ELMO1: variants seen among roughly 807,000 people sequenced by gnomAD.
The protein encoded by ELMO1 is engulfment and cell motility protein 1.
Under a neutral mutation model 98.9 loss-of-function variants are expected in ELMO1, and 26 were observed. That is an observed-to-expected ratio of 0.26 (90% CI 0.19 to 0.36). The LOEUF (loss-of-function observed/expected upper bound fraction) is 0.36. ELMO1 is among the 10% of genes least tolerant of loss of function. The probability of loss-of-function intolerance (pLI) is 1.00; values close to 1 mark genes in which losing one functional copy is unlikely to be tolerated. For missense variants in ELMO1, 627 were observed against 935.2 expected (o/e 0.67, Z 4.30); for synonymous variants, 346 against 346.0 (o/e 1.00, Z 0.00).
chr7:37,107,822 C>T (rs1785031094), intron 14 of ELMO1, among the ~76,000 whole-genome samples: 1 of 152,176 alleles, frequency 6.6e-6, no homozygotes, highest in Non-Finnish European at 1.5e-5. Flanking sequence ...TCCAGGAAAG[C>T]TAGTGATAAA....
At chr7:37,375,936 C>G (rs1391901593) in intron 1 of ELMO1, 1 of 635,738 alleles carries the variant, frequency 1.6e-6, no homozygotes, top group East Asian at 3.0e-5. Context: ...CTGGTGCCAA[C>G]AAGAAAGTAG....
chr7:36,873,011 T>G (rs538728741), intron 19 of ELMO1, among the ~76,000 whole-genome samples: 1 of 152,164 alleles, frequency 6.6e-6, no homozygotes, highest in Admixed American at 6.5e-5. Flanking sequence ...GAATCTCTAA[T>G]AGAAAGGCTT....
At chr7:37,074,060 A>G (rs1165139184) in intron 15 of ELMO1, among the ~76,000 whole-genome samples, 1 of 148,824 alleles carries the variant, frequency 6.7e-6, no homozygotes, top group African/African-American at 2.4e-5. Context: ...AAGTTATAAT[A>G]CAGTATAATT....
intron 16 of ELMO1, among the ~76,000 whole-genome samples, chr7:36,923,904 A>G (rs1458611736): frequency 6.6e-6 from 1 of 152,222 alleles, no homozygotes; most frequent in African/African-American, 2.4e-5. Context: ...GCACATCTAG[A>G]AAACTGAAAG....
chr7:37,006,998 T>C (rs1226084663), intron 16 of ELMO1, among the ~76,000 whole-genome samples: 2 of 152,040 alleles, frequency 1.3e-5, no homozygotes, highest in African/African-American at 4.8e-5. Context: ...TCCATGGAAA[T>C]AGGTAACACT....
intron 15 of ELMO1, chr7:37,033,319 G>C: frequency 2.2e-6 from 1 of 449,314 alleles, no homozygotes; most frequent in East Asian, 7.0e-5. Context: ...TTAATAAAAG[G>C]GGATAAAAAT....
In ELMO1 at chr7:37,096,691, C is replaced by T. The variant is rs868320961; in HGVS notation, c.1228G>A (p.Glu410Lys). The T allele has an allele frequency of 6.2e-7, 1 of 1,614,104 alleles. No homozygotes were observed. Among genetic ancestry groups the T allele is most frequent in the East Asian group, 2.2e-5 (1 of 44,874 alleles). ...ATACTACTGCGGCCAAAGGGACATT[C>T]ATGCTTGTCTTCTCGACTACTGTTC... ...LENSSREDKHECPFGRSSIEL... is the reference protein window; with the variant it reads ...LENSSREDKHKCPFGRSSIEL... The change falls in exon 15 of 22, where the codon GAA becomes AAA. Residue 410 changes from glutamate (E) to lysine (K), a missense_variant. Physicochemically the swap from Glu to Lys is moderately conservative, Grantham distance 56 (BLOSUM62 1). This residue lies in a region of ELMO1 where 492 missense variants were observed against 715.6 expected (regional missense o/e 0.69). Transcript: ENST00000310758.
chr7:37,244,093 A>G (rs1212406757), intron 7 of ELMO1, among the ~76,000 whole-genome samples: 2 of 152,232 alleles, frequency 1.3e-5, no homozygotes, highest in African/African-American at 4.8e-5. Flanking sequence ...GAAGTAGGGT[A>G]GCAATCTTTC....
At chr7:37,376,062 C>A in intron 1 of ELMO1, 10 of 358,520 alleles carry the variant, frequency 2.8e-5, no homozygotes, top group Non-Finnish European at 4.3e-5. Context: ...AAACTTACAG[C>A]CAAAAAAACT....
chr7:36,919,128 C>G (rs1369715856), intron 16 of ELMO1, among the ~76,000 whole-genome samples: 1 of 152,176 alleles, frequency 6.6e-6, no homozygotes, highest in African/African-American at 2.4e-5. Context: ...TTTCTTCTCA[C>G]AGCTCAATAT....
chr7:37,315,423 AAAAC>A (rs1188435782), intron 3 of ELMO1, among the ~76,000 whole-genome samples: 1 of 152,228 alleles, frequency 6.6e-6, no homozygotes, highest in African/African-American at 2.4e-5. Flanking sequence ...GGTTTAAAAA[AAAAC>A]AAAGTCATGC....
intron 13 of ELMO1, chr7:37,204,155 T>C (rs929521909): frequency 1.1e-5 from 5 of 456,382 alleles, no homozygotes; most frequent in African/African-American, 1.0e-4. Flanking sequence ...TGGGCGATGG[T>C]CCCATCTGGG....
At chr7:37,436,383 G>T (rs1188865757) in intron 1 of ELMO1, among the ~76,000 whole-genome samples, 1 of 152,188 alleles carries the variant, frequency 6.6e-6, no homozygotes, top group African/African-American at 2.4e-5. Flanking sequence ...CTGTATATTT[G>T]TCAGGTCCAA....
Position 37,123,080 on chromosome 7 carries a change from A to C in ELMO1, c.1191+10050T>G, listed in dbSNP as rs567570744. ...AAAGTAGAAATAAAGATGTTCTTTG[A>C]AACCAGTGAGAACAAAGACACAACA... On this transcript the variant is annotated intron_variant, in intron 14 of 21. Transcript: ENST00000310758. Among the ~76,000 whole-genome samples, 672 of 151,390 alleles carry C rather than the reference A, an allele frequency of 4.4e-3. 2 individuals carry two copies. The highest frequency in any genetic ancestry group is 0.016 in the African/African-American group (642 of 40,672).
At chr7:37,099,728 T>C (rs1048570080) in intron 14 of ELMO1, among the ~76,000 whole-genome samples, 5 of 152,172 alleles carry the variant, frequency 3.3e-5, no homozygotes, top group Non-Finnish European at 7.4e-5. Flanking sequence ...AACAAGTCCA[T>C]CCATTAATAA....
rs568798481 is a variant in ELMO1 at position 37,243,011 on chromosome 7, T to C, written c.449+1345A>G. The stretch of plus-strand genomic sequence containing the variant: ...TATCCAGTGCCTTCATATAGTTGGT[T>C]TAAGATGTTTTGTTTATAATATTTT... On this transcript the variant is annotated intron_variant, in intron 7 of 21. Transcript: ENST00000310758. Among the ~76,000 whole-genome samples the C allele has an allele frequency of 4.6e-4, 70 of 152,296 alleles. 1 individual carries two copies. The South Asian group carries it at 0.014, about 31-fold the overall frequency.
intron 16 of ELMO1, among the ~76,000 whole-genome samples, chr7:36,965,028 T>G (rs1335127595): frequency 6.6e-6 from 1 of 152,132 alleles, no homozygotes; most frequent in African/African-American, 2.4e-5. Flanking sequence ...TCCCATTCCT[T>G]GAATACCTCT....
intron 16 of ELMO1, among the ~76,000 whole-genome samples, chr7:36,919,942 C>T (rs1367686335): frequency 6.6e-6 from 1 of 152,194 alleles, no homozygotes; most frequent in African/African-American, 2.4e-5. Flanking sequence ...CGACTGGGAA[C>T]GCCCTATGAG....
At chr7:37,189,517 A>C (rs1292984601) in intron 13 of ELMO1, among the ~76,000 whole-genome samples, 1 of 152,236 alleles carries the variant, frequency 6.6e-6, no homozygotes, top group Non-Finnish European at 1.5e-5. Context: ...ACCCAAGGGC[A>C]GAGATAATGA....
Sources: allele counts gnomAD v4.1 joint callset (sites outside exome capture counted in the v4.1 genomes callset), GRCh38; gene constraint gnomAD v4.1.1; regional missense constraint gnomAD v4.1.1; transcripts MANE v1.5; gene names NCBI Gene and HGNC (gene_info 2026-07-23, HGNC 2026-07-21).